Variants in PRKCE observed in about 807,000 individuals in gnomAD.
PRKCE encodes the protein protein kinase C epsilon type.
In PRKCE, 16 loss-of-function variants were observed where a neutral mutation model predicts 85.4. The ratio of observed to expected loss-of-function variants is 0.19; its 90% CI spans 0.13 to 0.28. The LOEUF (loss-of-function observed/expected upper bound fraction) is 0.28, where lower values mean the gene tolerates loss of function less well. PRKCE is among the 10% of genes least tolerant of loss of function. The probability of loss-of-function intolerance (pLI) is 1.00; values close to 1 mark genes in which losing one functional copy is unlikely to be tolerated. For synonymous variants in PRKCE, 388 were observed against 371.5 expected, an observed-to-expected ratio of 1.04 and a Z score of -0.51; for missense variants, 573 against 975.2, an observed-to-expected ratio of 0.59 and a Z score of 5.49.
At chr2:45,717,487 C>T (rs1680235528) in intron 1 of PRKCE, among the ~76,000 whole-genome samples, 1 of 152,110 alleles carries the variant, frequency 6.6e-6, no homozygotes, top group African/African-American at 2.4e-5. Context: ...CAAAGGAATC[C>T]TACATTGGGT....
At chr2:45,672,633 C>G (rs1676229782) in intron 1 of PRKCE, among the ~76,000 whole-genome samples, 1 of 152,056 alleles carries the variant, frequency 6.6e-6, no homozygotes, top group African/African-American at 2.4e-5. Flanking sequence ...ACCAGACTAC[C>G]CTGTGGGCTG....
intron 2 of PRKCE, among the ~76,000 whole-genome samples, chr2:45,948,802 A>G (rs1217462658): frequency 6.6e-6 from 1 of 152,248 alleles, no homozygotes. Flanking sequence ...AAAAAAATAT[A>G]TACAAGACTG....
At chr2:46,165,061 C>G (rs564947897) in intron 14 of PRKCE, among the ~76,000 whole-genome samples, 5 of 152,200 alleles carry the variant, frequency 3.3e-5, no homozygotes, top group African/African-American at 1.2e-4. Flanking sequence ...TCTGCTCCCC[C>G]GGCTCCTAAG....
At chr2:45,976,367 G>C (rs1334364765) in intron 2 of PRKCE, 62 bp from the exon 3 acceptor site, 1 of 1,550,352 alleles carries the variant, frequency 6.5e-7, no homozygotes, top group Non-Finnish European at 8.7e-7. Context: ...TCCAGAGGGA[G>C]CTCATTTTGA....
chr2:45,778,995 G>C (rs1685972912), intron 1 of PRKCE, among the ~76,000 whole-genome samples: 1 of 152,218 alleles, frequency 6.6e-6, no homozygotes, highest in South Asian at 2.1e-4. Context: ...TACGCAGAAC[G>C]ATTGAAACAG....
chr2:45,805,111 T>A (rs115642173), intron 1 of PRKCE, among the ~76,000 whole-genome samples: 2,607 of 151,366 alleles, frequency 0.017, 58 homozygotes, highest in East Asian at 0.092. Context: ...GTCATAACTG[T>A]CTTCTTCTTT....
At chr2:46,021,598 T>C (rs1315256970) in intron 10 of PRKCE, among the ~76,000 whole-genome samples, 1 of 150,596 alleles carries the variant, frequency 6.6e-6, no homozygotes, top group African/African-American at 2.4e-5. Flanking sequence ...AACAAGAACT[T>C]AAGTTGCTGC....
intron 8 of PRKCE, among the ~76,000 whole-genome samples, chr2:46,006,202 C>T (rs1412400253): frequency 6.6e-6 from 1 of 152,212 alleles, no homozygotes; most frequent in Non-Finnish European, 1.5e-5. Flanking sequence ...TTTTTCTTCC[C>T]TTGTAAAGAC....
intron 1 of PRKCE, among the ~76,000 whole-genome samples, chr2:45,703,414 TGTA>T (rs1678841848): frequency 6.6e-6 from 1 of 152,076 alleles, no homozygotes; most frequent in Admixed American, 6.6e-5. Flanking sequence ...GGCATGTACT[TGTA>T]GTCCCAGCTA....
In PRKCE at chr2:46,044,398, G is replaced by A. The variant is rs72876161; in HGVS notation, c.1437+33881G>A. ...GGAATTAGTGAGAAGACTAGCAAAG[G>A]CCTTATGCTGAGCTCATCTGGTGCT... is the stretch of plus-strand genomic sequence containing the variant. On this transcript the variant is annotated intron_variant, in intron 10 of 14. Transcript: ENST00000306156. Among the ~76,000 whole-genome samples, 512 of 152,294 alleles carry A rather than the reference G, an allele frequency of 3.4e-3. 3 individuals carry two copies. Among genetic ancestry groups the A allele is most frequent in the African/African-American group, 0.012 (493 of 41,550 alleles).
At chr2:46,032,278 G>C (rs1217912232) in intron 10 of PRKCE, among the ~76,000 whole-genome samples, 1 of 151,956 alleles carries the variant, frequency 6.6e-6, no homozygotes, top group Non-Finnish European at 1.5e-5. Context: ...CGATGAGCTG[G>C]GACTGGAACT....
chr2:45,919,141 A>G (rs1698059664), intron 2 of PRKCE, among the ~76,000 whole-genome samples: 1 of 152,116 alleles, frequency 6.6e-6, no homozygotes, highest in African/African-American at 2.4e-5. Flanking sequence ...ACAAGACATC[A>G]GGGGTAGGGA....
At chr2:46,097,639 C>G (rs1670836257) in intron 11 of PRKCE, among the ~76,000 whole-genome samples, 1 of 152,190 alleles carries the variant, frequency 6.6e-6, no homozygotes, top group South Asian at 2.1e-4. Context: ...CCTATGTGAC[C>G]TGCTTCAGCA....
intron 11 of PRKCE, among the ~76,000 whole-genome samples, chr2:46,102,342 C>G (rs887915403): frequency 6.6e-6 from 1 of 152,100 alleles, no homozygotes; most frequent in Non-Finnish European, 1.5e-5. Flanking sequence ...AGGATAATGT[C>G]AAAGTTCAAT....
intron 2 of PRKCE, among the ~76,000 whole-genome samples, chr2:45,924,269 T>G (rs1160271252): frequency 1.3e-5 from 2 of 152,328 alleles, no homozygotes; most frequent in Non-Finnish European, 2.9e-5. Context: ...AAGAGACGTA[T>G]TTTTGTTTGG....
intron 2 of PRKCE, among the ~76,000 whole-genome samples, chr2:45,880,924 C>T (rs1186384667): frequency 3.3e-5 from 5 of 152,000 alleles, no homozygotes; most frequent in South Asian, 2.1e-4. Context: ...GAGGCCGAGG[C>T]GGGCGGATCA....
chr2:45,884,983 A>C, intron 2 of PRKCE, among the ~76,000 whole-genome samples: 1 of 85,972 alleles, frequency 1.2e-5, no homozygotes, highest in Admixed American at 1.4e-4. Context: ...ATATATATAT[A>C]TATATATATA....
Position 45,905,947 on chromosome 2 carries a change from C to T in PRKCE, c.412+62884C>T, listed in dbSNP as rs544960205. On this transcript the variant is annotated intron_variant, in intron 2 of 14. Transcript: ENST00000306156. This position sits in a 1 kb window ranked among gnomAD's most constrained non-coding sequence, Gnocchi z 4.4. Reference sequence around the variant, plus strand: ...TATGGTGTCTGCCCACATGAAGGGCCGGGGTGGGCAGGCTATCTTCAGCGG... The same window carrying T: ...TATGGTGTCTGCCCACATGAAGGGCTGGGGTGGGCAGGCTATCTTCAGCGG... Among the ~76,000 whole-genome samples the T allele has an allele frequency of 3.3e-5, 5 of 152,248 alleles. No individual in the cohort carries two copies. The highest frequency in any genetic ancestry group is 3.9e-4 in the East Asian group (2 of 5,186).
At chr2:46,042,827 C>A (rs1427219574) in intron 10 of PRKCE, among the ~76,000 whole-genome samples, 1 of 152,216 alleles carries the variant, frequency 6.6e-6, no homozygotes, top group African/African-American at 2.4e-5. Flanking sequence ...TGGGCTTCTT[C>A]CCAGCATCCT....
Sources: gnomAD v4.1 joint callset for allele counts (sites outside exome capture counted in the v4.1 genomes callset) on GRCh38, gnomAD v4.1.1 for gene constraint, Gnocchi (gnomAD v3.1) non-coding constraint, MANE v1.5 for transcripts, NCBI Gene and HGNC (gene_info 2026-07-23, HGNC 2026-07-21) for gene names.